Variants in TSHZ1 observed in about 807,000 individuals in gnomAD.
The protein encoded by TSHZ1 is teashirt homolog 1.
In TSHZ1, 12 loss-of-function variants were observed where a neutral mutation model predicts 67.1. The observed-to-expected ratio is 0.18, with a 90% confidence interval of 0.11 to 0.29. TSHZ1 has a LOEUF of 0.29. TSHZ1 is among the 10% of genes least tolerant of loss of function. TSHZ1 has a pLI of 1.00. For missense variants in TSHZ1, 1,305 were observed against 1,413.9 expected (o/e 0.92, Z 1.23); for synonymous variants, 632 against 622.4 (o/e 1.02, Z -0.23).
intron 1 of TSHZ1, among the ~76,000 whole-genome samples, chr18:75,242,275 C>A (rs1482401630): frequency 1.3e-5 from 2 of 152,174 alleles, no homozygotes; most frequent in Non-Finnish European, 2.9e-5. Context: ...GTCCTCTTGA[C>A]CATGTGGTGT....
chr18:75,249,670 G>A (rs1005707718), intron 1 of TSHZ1, among the ~76,000 whole-genome samples: 1 of 148,318 alleles, frequency 6.7e-6, no homozygotes, highest in African/African-American at 2.5e-5. Flanking sequence ...GTAGGTGGGG[G>A]ACGTATGACC....
At chr18:75,253,240 T>A (rs1022086834) in intron 1 of TSHZ1, among the ~76,000 whole-genome samples, 2 of 152,248 alleles carry the variant, frequency 1.3e-5, no homozygotes, top group Admixed American at 1.3e-4. Context: ...TCTTTCTGAT[T>A]AGCTGTTTGT....
At chr18:75,241,399 C>T (rs537331145) in intron 1 of TSHZ1, among the ~76,000 whole-genome samples, 1 of 152,294 alleles carries the variant, frequency 6.6e-6, no homozygotes, top group East Asian at 1.9e-4. Flanking sequence ...CTCTCCTGTG[C>T]CATCTGGGTG....
chr18:75,228,219 T>C (rs1180437073), intron 1 of TSHZ1, among the ~76,000 whole-genome samples: 2 of 152,234 alleles, frequency 1.3e-5, no homozygotes, highest in African/African-American at 4.8e-5. Flanking sequence ...AGAGACAGCA[T>C]GCCAGTGGTC....
intron 1 of TSHZ1, among the ~76,000 whole-genome samples, chr18:75,229,484 T>G (rs1209239226): frequency 6.6e-6 from 1 of 152,210 alleles, no homozygotes; most frequent in Non-Finnish European, 1.5e-5. Context: ...TTCACGTCCT[T>G]GTAGGCACTC....
chr18:75,224,288 G>C (rs2022891141), intron 1 of TSHZ1, among the ~76,000 whole-genome samples: 1 of 152,070 alleles, frequency 6.6e-6, no homozygotes, highest in Non-Finnish European at 1.5e-5. Context: ...GGTGACTAAA[G>C]AGAGCTTAAC....
chr18:75,231,614 A>G (rs1043008788), intron 1 of TSHZ1, among the ~76,000 whole-genome samples: 3 of 152,124 alleles, frequency 2.0e-5, no homozygotes, highest in Non-Finnish European at 4.4e-5. Flanking sequence ...GGCTCACTGC[A>G]ACCTCTGCCT....
At chr18:75,234,280 G>T (rs1006283320) in intron 1 of TSHZ1, among the ~76,000 whole-genome samples, 1 of 152,112 alleles carries the variant, frequency 6.6e-6, no homozygotes, top group Non-Finnish European at 1.5e-5. Context: ...CCCTGCGGCC[G>T]CCCTGGGCCC....
At chr18:75,283,563 G>GGCTTTGCTGCTTTTCC (rs2023712905) in intron 1 of TSHZ1, 1 of 152,208 alleles carries the variant, frequency 6.6e-6, no homozygotes, top group South Asian at 2.1e-4. Context: ...TGTGATTCCT[G>GGCTTTGCTGCTTTTCC]GCTTTGCTGC....
intron 1 of TSHZ1, among the ~76,000 whole-genome samples, chr18:75,257,890 G>A (rs902301384): frequency 2.0e-5 from 3 of 152,204 alleles, no homozygotes; most frequent in Non-Finnish European, 4.4e-5. Flanking sequence ...GAGCTGTTGT[G>A]TGAAGTACAT....
At position 75,211,710 on chromosome 18, in the gene TSHZ1, A is replaced by C. The variant is rs1484374960; in HGVS notation, c.-167A>C. On this transcript the variant is annotated 5_prime_UTR_variant, in exon 1 of 2. An upstream start codon of the reference 5' UTR is lost. Coordinates refer to ENST00000580243, the MANE Select transcript of TSHZ1 (RefSeq NM_001308210.2). ...TGAGCGGCCCCGGGCGCGGCGGTCC[A>C]TGCGAGCGGCTCCCCGCGGTCCGCG... is the stretch of plus-strand genomic sequence containing the variant. The C allele has an allele frequency of 5.5e-5, 11 of 200,244 alleles. No individual in the cohort carries two copies. Among genetic ancestry groups the C allele is most frequent in the Non-Finnish European group, 9.3e-5 (11 of 118,078 alleles). The allele number at this position is 200,244 out of a possible 1,614,324, so 12.4% of individuals were successfully genotyped here. A position where few individuals can be genotyped will look rare whatever the true frequency, so the allele number is the denominator to read the frequency against.
intron 1 of TSHZ1, among the ~76,000 whole-genome samples, chr18:75,255,688 A>G (rs887370462): frequency 1.3e-5 from 2 of 152,224 alleles, no homozygotes; most frequent in African/African-American, 2.4e-5. Context: ...GAAGATTTCT[A>G]GGAAATTACT....
intron 1 of TSHZ1, among the ~76,000 whole-genome samples, chr18:75,250,448 C>T (rs560529665): frequency 1.3e-5 from 2 of 152,242 alleles, no homozygotes; most frequent in African/African-American, 4.8e-5. Flanking sequence ...GTCCTCCCTG[C>T]AGCAAGGGGC....
rs762980310 is a variant in TSHZ1 at position 75,285,815 on chromosome 18, A to C, written c.408A>C (p.Leu136Phe). The C allele has an allele frequency of 6.2e-7, 1 of 1,614,020 alleles. No homozygotes were observed. Among genetic ancestry groups the C allele is most frequent in the South Asian group, 1.1e-5 (1 of 91,054 alleles). ...GCTGGTCCAGCTTAGCTCTGGATTT[A>C]AAGAAGTCGGGTTCCACCACCAGCA... ...ESCWSSLALD[L>F]KKSGSTTSTN... The change falls in exon 2 of 2, where the codon TTA (leucine) becomes TTC (phenylalanine). Residue 136 changes from leucine to phenylalanine, a missense_variant. Coordinates refer to ENST00000580243, the MANE Select transcript of TSHZ1 (RefSeq NM_001308210.2).
chr18:75,239,604 A>G (rs960102368), intron 1 of TSHZ1, among the ~76,000 whole-genome samples: 2 of 152,108 alleles, frequency 1.3e-5, no homozygotes, highest in Non-Finnish European at 2.9e-5. Flanking sequence ...GTGCTCAAGG[A>G]ATCCTCCCAC....
intron 1 of TSHZ1, among the ~76,000 whole-genome samples, chr18:75,233,489 C>G (rs989446097): frequency 6.6e-6 from 1 of 152,088 alleles, no homozygotes; most frequent in African/African-American, 2.4e-5. Context: ...AGATGGATGC[C>G]GATGTTATGT....
At chr18:75,224,494 A>G (rs1263234820) in intron 1 of TSHZ1, among the ~76,000 whole-genome samples, 2 of 152,194 alleles carry the variant, frequency 1.3e-5, no homozygotes, top group African/African-American at 2.4e-5. Flanking sequence ...TCTGCACACT[A>G]TCTGAATTTT....
chr18:75,231,479 A>G (rs2022998190), intron 1 of TSHZ1, among the ~76,000 whole-genome samples: 1 of 152,192 alleles, frequency 6.6e-6, no homozygotes, highest in Non-Finnish European at 1.5e-5. Flanking sequence ...ACATTTCTAG[A>G]TAGCTGTTCC....
chr18:75,226,656 G>A (rs2122527633), intron 1 of TSHZ1, among the ~76,000 whole-genome samples: 1 of 151,166 alleles, frequency 6.6e-6, no homozygotes, highest in East Asian at 2.0e-4. Context: ...CACACTCGAT[G>A]CCAAAAAGTT....
Sources: gnomAD v4.1 joint callset for allele counts (sites outside exome capture counted in the v4.1 genomes callset) on GRCh38, gnomAD v4.1.1 for gene constraint, MANE v1.5 for transcripts, NCBI Gene and HGNC (gene_info 2026-07-23, HGNC 2026-07-21) for gene names.